The following PRKCA variants were observed in gnomAD, a reference collection of about 807,000 sequenced individuals.
The protein encoded by PRKCA is protein kinase C alpha type.
Under a neutral mutation model 87.0 loss-of-function variants are expected in PRKCA, and 27 were observed. That is an observed-to-expected ratio of 0.31 (90% CI 0.23 to 0.43). The LOEUF (loss-of-function observed/expected upper bound fraction) is 0.43. PRKCA is among the 20% of genes least tolerant of loss of function. The pLI is 1.00. For missense variants in PRKCA, 518 were observed against 852.3 expected, an observed-to-expected ratio of 0.61 and a Z score of 4.88; for synonymous variants, 329 against 311.1, an observed-to-expected ratio of 1.06 and a Z score of -0.61.
chr17:66,490,385 C>A (rs1375317658), intron 2 of PRKCA, among the ~76,000 whole-genome samples: 1 of 151,404 alleles, frequency 6.6e-6, no homozygotes, highest in East Asian at 1.9e-4. Flanking sequence ...CTCTTGCTAC[C>A]CATGCTGGAG....
Position 66,689,961 on chromosome 17 carries a change from T to A in PRKCA, c.918+914T>A, listed in dbSNP as rs1217658631. ...GTGCACACGCACACATGTGTGTAGATGCTGAACTGCTACTGAAATGTTGAC... is the reference window on the plus strand; with the variant it reads ...GTGCACACGCACACATGTGTGTAGAAGCTGAACTGCTACTGAAATGTTGAC... On this transcript the variant is annotated intron_variant, in intron 8 of 16. Transcript: ENST00000413366. This position sits in a 1 kb window ranked among gnomAD's most constrained non-coding sequence, Gnocchi z 4.1. Among the ~76,000 whole-genome samples, 1 of 152,050 alleles carries A rather than the reference T, an allele frequency of 6.6e-6. No homozygotes were observed. The highest frequency in any genetic ancestry group is 1.9e-4 in the East Asian group (1 of 5,186).
rs945164173 is a variant in PRKCA at position 66,805,633 on chromosome 17, T to C, written c.*1596T>C. 6.6e-6 allele frequency: 1 copy of C among 152,234 alleles called. No homozygotes were observed. The highest frequency in any genetic ancestry group is 6.5e-5 in the Admixed American group (1 of 15,278). 9.4% of individuals were successfully genotyped at this position (152,234 alleles called of 1,614,324 possible). A position where few individuals can be genotyped will look rare whatever the true frequency, so the allele number is the denominator to read the frequency against. On this transcript the variant is annotated 3_prime_UTR_variant, in exon 17 of 17. Transcript: ENST00000413366. ...AACAAATTTTTATTGGTGAGGACTA[T>C]TTTTGAGCTGACACTCCCTCTTAGT...
chr17:66,430,567 T>TG, intron 2 of PRKCA, among the ~76,000 whole-genome samples: 1 of 152,054 alleles, frequency 6.6e-6, no homozygotes, highest in Non-Finnish European at 1.5e-5. Context: ...ATGGGTCTGA[T>TG]GCAGGTCCTT....
intron 2 of PRKCA, among the ~76,000 whole-genome samples, chr17:66,321,260 T>G (rs1905639351): frequency 6.6e-6 from 1 of 152,180 alleles, no homozygotes; most frequent in South Asian, 2.1e-4. Flanking sequence ...TTTTTCTCCT[T>G]GGTAAATTTC....
At chr17:66,390,200 C>T (rs111982863) in intron 2 of PRKCA, among the ~76,000 whole-genome samples, 6,873 of 150,498 alleles carry the variant, frequency 0.046, 352 homozygotes, top group African/African-American at 0.13. Context: ...CTAGCCTGAG[C>T]AATAAGAGTG....
At chr17:66,582,012 C>T (rs1969454649) in intron 3 of PRKCA, among the ~76,000 whole-genome samples, 1 of 152,174 alleles carries the variant, frequency 6.6e-6, no homozygotes, top group African/African-American at 2.4e-5. Flanking sequence ...TATTTGTGAA[C>T]AGAACCCCAT....
intron 3 of PRKCA, among the ~76,000 whole-genome samples, chr17:66,531,387 T>G (rs1967533987): frequency 1.3e-5 from 2 of 152,192 alleles, no homozygotes; most frequent in Non-Finnish European, 2.9e-5. Context: ...AGGTTGCAGG[T>G]CCATTAAATC....
At chr17:66,681,019 G>A (rs960457446) in intron 5 of PRKCA, among the ~76,000 whole-genome samples, 22 of 152,128 alleles carry the variant, frequency 1.4e-4, no homozygotes, top group Admixed American at 2.6e-4. Flanking sequence ...ACTTGAGGTC[G>A]GGGGTTTGAG....
chr17:66,358,379 A>G (rs1349340758), intron 2 of PRKCA, among the ~76,000 whole-genome samples: 4 of 152,168 alleles, frequency 2.6e-5, no homozygotes, highest in Admixed American at 2.6e-4. Flanking sequence ...ATGGCTGCAT[A>G]ATGTGTAAGT....
intron 3 of PRKCA, among the ~76,000 whole-genome samples, chr17:66,640,317 A>G (rs766294185): frequency 6.6e-6 from 1 of 152,068 alleles, no homozygotes; most frequent in Non-Finnish European, 1.5e-5. Flanking sequence ...TCTGTATATC[A>G]TTTTTCTTCC....
chr17:66,784,482 G>A (rs955054217), intron 14 of PRKCA, among the ~76,000 whole-genome samples: 4 of 151,960 alleles, frequency 2.6e-5, no homozygotes, highest in African/African-American at 9.7e-5. Context: ...CCTGACCTCA[G>A]GTGATCCACC....
intron 13 of PRKCA, among the ~76,000 whole-genome samples, chr17:66,743,768 C>T (rs535124271): frequency 2.0e-5 from 3 of 152,298 alleles, no homozygotes; most frequent in Non-Finnish European, 2.9e-5. Flanking sequence ...CTCAGATGAG[C>T]TGTTGGCAGC....
In PRKCA at chr17:66,522,809, T is replaced by TAA. The variant is rs1229424235; in HGVS notation, c.288+26539_288+26540dup. 6.5e-3 allele frequency among the ~76,000 whole-genome samples: 819 copies of TAA among 126,346 alleles called. 6 individuals carry two copies. Among genetic ancestry groups the TAA allele is most frequent in the Middle Eastern group, 0.047 (12 of 256 alleles). 82.9% of individuals were successfully genotyped at this position (126,346 alleles called of 152,430 possible). On this transcript the variant is annotated intron_variant, in intron 3 of 16. Transcript: ENST00000413366. ...TGTGTAGTATGTGTGGGTCGCTCAC[T>TAA]AAAAAAAAAAAAAAGAAGAAGCCAG...
chr17:66,372,069 G>A (rs1909145177), intron 2 of PRKCA, among the ~76,000 whole-genome samples: 1 of 152,182 alleles, frequency 6.6e-6, no homozygotes, highest in Admixed American at 6.5e-5. Context: ...ACTTATGGAT[G>A]ATATGAAGAT....
intron 3 of PRKCA, among the ~76,000 whole-genome samples, chr17:66,497,225 C>T (rs1167986073): frequency 1.3e-5 from 2 of 152,058 alleles, no homozygotes; most frequent in East Asian, 1.9e-4. Context: ...AGGCCGGGCA[C>T]GGTGGCTCAC....
chr17:66,491,553 C>T (rs1242546220), intron 2 of PRKCA, among the ~76,000 whole-genome samples: 1 of 152,134 alleles, frequency 6.6e-6, no homozygotes, highest in East Asian at 1.9e-4. Flanking sequence ...ACCTTATTAC[C>T]TCTTTACTCC....
chr17:66,317,874 G>A (rs755417804), intron 2 of PRKCA, among the ~76,000 whole-genome samples: 1 of 152,168 alleles, frequency 6.6e-6, no homozygotes, highest in Non-Finnish European at 1.5e-5. Context: ...GTGAAAATGG[G>A]AGATTACTCA....
chr17:66,654,284 G>C (rs12600582), intron 5 of PRKCA, among the ~76,000 whole-genome samples: 30,062 of 152,174 alleles, frequency 0.2, 3,610 homozygotes, highest in East Asian at 0.28. Context: ...GAAGCTCCGG[G>C]TGTTTCTTGA....
chr17:66,357,337 T>C (rs1376809791), intron 2 of PRKCA, among the ~76,000 whole-genome samples: 1 of 152,164 alleles, frequency 6.6e-6, no homozygotes, highest in Non-Finnish European at 1.5e-5. Flanking sequence ...CTATTATACT[T>C]TTTAATGGCA....
Sources: gnomAD v4.1 joint callset for allele counts (sites outside exome capture counted in the v4.1 genomes callset) on GRCh38, gnomAD v4.1.1 for gene constraint, Gnocchi (gnomAD v3.1) non-coding constraint, MANE v1.5 for transcripts, NCBI Gene and HGNC (gene_info 2026-07-23, HGNC 2026-07-21) for gene names.